Variants in PRKN observed in about 807,000 individuals in gnomAD.
PRKN encodes the protein E3 ubiquitin-protein ligase parkin.
Under a neutral mutation model 59.5 loss-of-function variants are expected in PRKN, and 56 were observed. The ratio of observed to expected loss-of-function variants is 0.94; its 90% CI spans 0.76 to 1.18. PRKN has a LOEUF of 1.18. PRKN is among the 50% of genes most tolerant of loss of function. The pLI is 0.00. For synonymous variants in PRKN, 250 were observed against 222.1 expected, an observed-to-expected ratio of 1.13 and a Z score of -1.12; for missense variants, 657 against 596.4, an observed-to-expected ratio of 1.10 and a Z score of -1.06.
At chr6:162,268,075 T>A (rs930747821) in intron 2 of PRKN, among the ~76,000 whole-genome samples, 2 of 152,132 alleles carry the variant, frequency 1.3e-5, no homozygotes, top group African/African-American at 2.4e-5. Context: ...ATGTTAATAA[T>A]AAAAAACATA....
chr6:162,525,182 G>A (rs1432425267), intron 1 of PRKN, among the ~76,000 whole-genome samples: 1 of 152,048 alleles, frequency 6.6e-6, no homozygotes, highest in African/African-American at 2.4e-5. Flanking sequence ...CTAGCTCTGT[G>A]ACCCTGAGGA....
At chr6:162,450,737 C>G (rs534992852) in intron 1 of PRKN, among the ~76,000 whole-genome samples, 7 of 152,246 alleles carry the variant, frequency 4.6e-5, no homozygotes, top group Admixed American at 3.9e-4. Flanking sequence ...CAAGAACAGT[C>G]TTTAGAAACT....
At chr6:161,572,062 G>C (rs1219969401) in intron 7 of PRKN, among the ~76,000 whole-genome samples, 1 of 152,026 alleles carries the variant, frequency 6.6e-6, no homozygotes, top group Non-Finnish European at 1.5e-5. Flanking sequence ...TTGCAGGACT[G>C]CTTGGCCGCC....
At chr6:161,759,064 C>G (rs1444877468) in intron 7 of PRKN, among the ~76,000 whole-genome samples, 1 of 152,008 alleles carries the variant, frequency 6.6e-6, no homozygotes, top group Non-Finnish European at 1.5e-5. Context: ...GTAGTCCCAG[C>G]TACTCAGGAG....
intron 4 of PRKN, among the ~76,000 whole-genome samples, chr6:162,085,648 G>C (rs1420170460): frequency 6.6e-6 from 1 of 152,078 alleles, no homozygotes; most frequent in African/African-American, 2.4e-5. Flanking sequence ...AACTGTGAGA[G>C]AGGGGAGTTA....
intron 4 of PRKN, among the ~76,000 whole-genome samples, chr6:162,193,280 T>C (rs1241408934): frequency 6.6e-6 from 1 of 152,216 alleles, no homozygotes; most frequent in Non-Finnish European, 1.5e-5. Context: ...CGCATTTCTG[T>C]GATACAGAAG....
At chr6:162,160,468 C>T (rs1782704706) in intron 4 of PRKN, among the ~76,000 whole-genome samples, 1 of 152,046 alleles carries the variant, frequency 6.6e-6, no homozygotes, top group Non-Finnish European at 1.5e-5. Flanking sequence ...TGGACATGTT[C>T]ATTATGATAG....
chr6:162,202,461 T>C (rs938289866), intron 3 of PRKN, among the ~76,000 whole-genome samples: 19 of 152,196 alleles, frequency 1.2e-4, no homozygotes, highest in African/African-American at 4.6e-4. Flanking sequence ...TTATCATTTG[T>C]TTGCAATATA....
intron 2 of PRKN, among the ~76,000 whole-genome samples, chr6:162,424,545 C>A (rs1269752767): frequency 6.6e-6 from 1 of 151,806 alleles, no homozygotes; most frequent in Non-Finnish European, 1.5e-5. Context: ...ACCAGCCTGG[C>A]CAAGATGGTG....
At chr6:162,521,191 T>C (rs1313110579) in intron 1 of PRKN, among the ~76,000 whole-genome samples, 1 of 152,098 alleles carries the variant, frequency 6.6e-6, no homozygotes, top group African/African-American at 2.4e-5. Flanking sequence ...CATTTTGATT[T>C]CTATCTACAC....
intron 1 of PRKN, among the ~76,000 whole-genome samples, chr6:162,718,847 A>T (rs933517190): frequency 1.3e-5 from 2 of 152,264 alleles, no homozygotes; most frequent in African/African-American, 2.4e-5. Context: ...AGACACTGAG[A>T]ATAAGATTAT....
intron 6 of PRKN, among the ~76,000 whole-genome samples, chr6:161,807,296 T>A (rs1468926488): frequency 6.6e-6 from 1 of 152,084 alleles, no homozygotes; most frequent in Non-Finnish European, 1.5e-5. Context: ...TATACACAGA[T>A]ACACGCATGC....
chr6:162,228,776 C>T (rs1778296491), intron 3 of PRKN, among the ~76,000 whole-genome samples: 1 of 152,110 alleles, frequency 6.6e-6, no homozygotes, highest in Non-Finnish European at 1.5e-5. Context: ...GGTTTACAAA[C>T]ATTATTTCCA....
intron 7 of PRKN, among the ~76,000 whole-genome samples, chr6:161,671,758 GAA>G (rs1263803308): frequency 3.3e-5 from 5 of 152,170 alleles, no homozygotes; most frequent in African/African-American, 1.2e-4. Flanking sequence ...ACTGAAAAGA[GAA>G]GAGACAAAAT....
chr6:162,543,369 C>A lies in PRKN; in HGVS notation c.8-99896G>T, dbSNP rs536513639. ...ATCGGCAAAAAATTCCCGCCCACTT[C>A]TCCTCCCAGTTCCACCCCTCACAGC... is the stretch of plus-strand genomic sequence containing the variant. On this transcript the variant is annotated intron_variant, in intron 1 of 11. Transcript: ENST00000366898. Among the ~76,000 whole-genome samples, 3 of 152,200 alleles carry A rather than the reference C, an allele frequency of 2.0e-5. No homozygotes were observed. In the South Asian group the frequency reaches 6.2e-4, roughly 32 times the overall value.
intron 6 of PRKN, among the ~76,000 whole-genome samples, chr6:161,907,337 G>A (rs73785469): frequency 0.011 from 1,700 of 152,146 alleles, 23 homozygotes; most frequent in African/African-American, 0.039. Flanking sequence ...AAAAAAGCTC[G>A]AAAAGAATGG....
chr6:161,381,001 T>A (rs1785957517), intron 10 of PRKN, among the ~76,000 whole-genome samples: 1 of 152,170 alleles, frequency 6.6e-6, no homozygotes, highest in Admixed American at 6.5e-5. Flanking sequence ...CTATGTGTCA[T>A]TATGCTTGCA....
chr6:162,001,492 T>C (rs1360550716), intron 5 of PRKN, among the ~76,000 whole-genome samples: 2 of 151,266 alleles, frequency 1.3e-5, no homozygotes, highest in African/African-American at 2.4e-5. Flanking sequence ...CGTTTGCACA[T>C]TAAACCTGTA....
chr6:162,460,663 A>G (rs1791107833), intron 1 of PRKN, among the ~76,000 whole-genome samples: 1 of 152,190 alleles, frequency 6.6e-6, no homozygotes. Context: ...GGATGAATGA[A>G]TGTGCATTCA....
Sources: gnomAD v4.1 joint callset for allele counts (sites outside exome capture counted in the v4.1 genomes callset) on GRCh38, gnomAD v4.1.1 for gene constraint, MANE v1.5 for transcripts, NCBI Gene and HGNC (gene_info 2026-07-23, HGNC 2026-07-21) for gene names.